FABP2: variants seen among roughly 807,000 people sequenced by gnomAD.
FABP2 encodes fatty acid-binding protein, intestinal.
In FABP2, 11 loss-of-function variants were observed where a neutral mutation model predicts 16.1. The observed-to-expected ratio is 0.68, with a 90% confidence interval of 0.43 to 1.13. The LOEUF is 1.13. Among genes scored for constraint, FABP2 ranks in the 50% most tolerant of loss-of-function variants. The pLI is 0.00. For synonymous variants in FABP2, 45 were observed against 50.9 expected (o/e 0.88, Z 0.49); for missense variants, 146 against 155.1 (o/e 0.94, Z 0.31).
chr4:119,320,894 T>C (rs1755658218), intron 1 of FABP2, 52 bp from the exon 2 acceptor site: 1 of 1,417,504 alleles, frequency 7.1e-7, no homozygotes, highest in African/African-American at 1.5e-5. Context: ...ATAGGAAGTG[T>C]TTATTTTTCC....
rs1397613 is a variant in FABP2, at chr4:119,321,774, G to T, written c.67+262C>A. The stretch of plus-strand genomic sequence containing the variant: ...AAAAAGTCATTTTTCAGTTAAAGAG[G>T]GAAGGAAACATTTCTGGATCTTTTT... On this transcript the variant is annotated intron_variant, in intron 1 of 3. Coordinates refer to ENST00000274024, the MANE Select transcript of FABP2 (RefSeq NM_000134.4). Among the ~76,000 whole-genome samples the T allele has an allele frequency of 0.57, 86,075 of 151,844 alleles. 24,416 individuals carry two copies. Among genetic ancestry groups the T allele is most frequent in the East Asian group, 0.63 (3,228 of 5,138 alleles).
In FABP2 at chr4:119,319,083, T is replaced by G; in HGVS notation, c.357A>C (p.Val119=). 1 of 1,595,574 alleles carries G rather than the reference T, an allele frequency of 6.3e-7. No individual in the cohort carries two copies. The highest frequency in any genetic ancestry group is 8.5e-7 in the Non-Finnish European group (1 of 1,170,964). ...IIGDELVQTY[V]YEGVEAKRIF... Reference sequence around the variant, plus strand: ...TCCTTTTGGCTTCTACTCCTTCATATACATAAGTCTGAAAGGTGTTAACAA... The same window carrying G: ...TCCTTTTGGCTTCTACTCCTTCATAGACATAAGTCTGAAAGGTGTTAACAA... The change falls in exon 4 of 4, where the codon GTA becomes GTC. Residue 119 remains valine (V), a synonymous_variant. Coordinates refer to ENST00000274024, the MANE Select transcript of FABP2 (RefSeq NM_000134.4).
At chr4:119,319,861 C>T (rs956345724) in intron 2 of FABP2, among the ~76,000 whole-genome samples, 1 of 151,884 alleles carries the variant, frequency 6.6e-6, no homozygotes, top group Non-Finnish European at 1.5e-5. Context: ...GAACCTAGGC[C>T]ATTGGGCTAC....
rs754422512 is a variant in FABP2, at chr4:119,319,124, T to C, written c.349-33A>G. 1.6e-5 allele frequency: 23 copies of C among 1,465,622 alleles called. No individual in the cohort carries two copies. In the African/African-American group the frequency reaches 3.0e-4, roughly 19 times the overall value. The allele number at this position is 1,465,622 out of a possible 1,614,324, so 90.8% of individuals were successfully genotyped here. ...GTGTTAACAAACAGAAGAATTTATC[T>C]TTAAGGTTTACATCTAAGTTAAGAA... On this transcript the variant is annotated intron_variant, in intron 3 of 3. Coordinates refer to ENST00000274024, the MANE Select transcript of FABP2 (RefSeq NM_000134.4).
At position 119,322,086 on chromosome 4, in the gene FABP2, G is replaced by A; in HGVS notation, c.17C>T (p.Thr6Ile). 1 of 1,613,140 alleles carries A rather than the reference G, an allele frequency of 6.2e-7. No homozygotes were observed. The highest frequency in any genetic ancestry group is 8.5e-7 in the Non-Finnish European group (1 of 1,179,516). The change falls in exon 1 of 4, where the codon ACT becomes ATT. Residue 6 changes from threonine (T) to isoleucine (I), a missense_variant. Physicochemically the swap from Thr to Ile is moderately conservative, Grantham distance 89 (BLOSUM62 -1). Coordinates refer to ENST00000274024, the MANE Select transcript of FABP2 (RefSeq NM_000134.4). ...GTTTTCACTCCGGTCTACCTTCCAAGTGCTGTCAAACGCCATGATTTCAGT... is the reference window on the plus strand; with the variant it reads ...GTTTTCACTCCGGTCTACCTTCCAAATGCTGTCAAACGCCATGATTTCAGT... The part of the protein sequence containing the change: MAFDS[T>I]WKVDRSENYD...
chr4:119,319,652 T>G lies in FABP2; in HGVS notation c.241-9A>C. 1.1e-6 allele frequency: 1 copy of G among 927,150 alleles called. No homozygotes were observed. Among genetic ancestry groups the G allele is most frequent in the Non-Finnish European group, 1.4e-6 (1 of 689,870 alleles). 57.4% of individuals were successfully genotyped at this position (927,150 alleles called of 1,614,324 possible). On this transcript the variant is annotated splice_polypyrimidine_tract_variant and intron_variant, in intron 2 of 3. Coordinates refer to ENST00000274024, the MANE Select transcript of FABP2 (RefSeq NM_000134.4). ...TCAAGGCTCCAGGTCCCCTACATAA[T>G]AATAATAATAATAATAATAATAATA...
intron 1 of FABP2, among the ~76,000 whole-genome samples, 170 bp from the exon 2 acceptor site, chr4:119,321,012 TC>T (rs2095448824): frequency 6.6e-6 from 1 of 152,084 alleles, no homozygotes; most frequent in African/African-American, 2.4e-5. Context: ...TTCAATCAGA[TC>T]AAGAGAACTG....
chr4:119,321,966 AT>A, intron 1 of FABP2, 69 bp downstream of exon 1: 1 of 1,241,236 alleles, frequency 8.1e-7, no homozygotes, highest in Non-Finnish European at 1.2e-6. Context: ...TCTCCTAGAG[AT>A]TTAGGAGTTA....
chr4:119,319,565 G>A lies in FABP2; in HGVS notation c.319C>T (p.Arg107Ter), dbSNP rs142649876. The A allele has an allele frequency of 2.8e-5, 43 of 1,561,414 alleles. No individual in the cohort carries two copies. The highest frequency in any genetic ancestry group is 3.5e-5 in the South Asian group (3 of 85,846). ...ACTAGTTCATCACCTATAATTTCTC[G>A]GACAGTATTCAGTTCGTTTCCATTG... ...TDNGNELNTVREIIGDELVQT... is the reference protein window; with the variant it reads ...TDNGNELNTV The change falls in exon 3 of 4, where the codon CGA (arginine) becomes TGA (stop). Residue 107 changes from arginine to a stop codon, truncating the protein, a stop_gained. Transcript: ENST00000274024. LOFTEE classifies it high-confidence loss of function.
chr4:119,319,787 A>G (rs920757366), intron 2 of FABP2, 144 bp from the exon 3 acceptor site: 16 of 324,942 alleles, frequency 4.9e-5, no homozygotes, highest in African/African-American at 6.5e-5. Context: ...TATTATCTCT[A>G]CTTTGCAGAA....
intron 2 of FABP2, 82 bp from the exon 3 acceptor site, chr4:119,319,725 T>C: frequency 1.9e-6 from 1 of 535,392 alleles, no homozygotes; most frequent in Non-Finnish European, 2.8e-6. Flanking sequence ...TTCTGAGTTC[T>C]GTAGACACAC....
rs1413868925 is a variant in FABP2 at position 119,318,102 on chromosome 4, A to G, written c.*939T>C. The stretch of plus-strand genomic sequence containing the variant: ...TTTCAGCCAAGCGTGGGAATGACTG[A>G]TGTGTACAAAAATGTAATACAATAA... On this transcript the variant is annotated 3_prime_UTR_variant, in exon 4 of 4. Transcript: ENST00000274024. 1 of 152,104 alleles carries G rather than the reference A, an allele frequency of 6.6e-6. No individual in the cohort carries two copies. The highest frequency in any genetic ancestry group is 1.5e-5 in the Non-Finnish European group (1 of 68,002). The allele number at this position is 152,104 out of a possible 1,614,324, so 9.4% of individuals were successfully genotyped here.
chr4:119,320,275 A>G (rs368621610), intron 2 of FABP2, among the ~76,000 whole-genome samples: 2 of 152,156 alleles, frequency 1.3e-5, no homozygotes, highest in Non-Finnish European at 2.9e-5. Flanking sequence ...TAACTCACTC[A>G]TTTGTTCATC....
In FABP2 at chr4:119,322,112, TG is replaced by T. The variant is rs777067656; in HGVS notation, c.-11del. ...TGCTGTCAAACGCCATGATTTCAGT[TG>T]AGTCAGCCTCTAGGCAGCTAGAGAT... On this transcript the variant is annotated 5_prime_UTR_variant, in exon 1 of 4. Coordinates refer to ENST00000274024, the MANE Select transcript of FABP2 (RefSeq NM_000134.4). 6 of 1,611,478 alleles carry T rather than the reference TG, an allele frequency of 3.7e-6. No individual in the cohort carries two copies. The East Asian group carries it at 1.3e-4, about 36-fold the overall frequency.
chr4:119,319,166 T>A, intron 3 of FABP2, 75 bp from the exon 4 acceptor site: 3 of 826,174 alleles, frequency 3.6e-6, no homozygotes, highest in Non-Finnish European at 5.7e-6. Context: ...GTATTATAGT[T>A]TTATACTATA....
chr4:119,320,164 T>A (rs534863440), intron 2 of FABP2, among the ~76,000 whole-genome samples: 1 of 152,268 alleles, frequency 6.6e-6, no homozygotes, highest in Admixed American at 6.5e-5. Flanking sequence ...AAAAAGTTTT[T>A]AAAAAATTTG....
chr4:119,319,527 A>C lies in FABP2; in HGVS notation c.348+9T>G, dbSNP rs2149498063. 1 of 1,538,492 alleles carries C rather than the reference A, an allele frequency of 6.5e-7. No individual in the cohort carries two copies. The highest frequency in any genetic ancestry group is 1.8e-4 in the Middle Eastern group (1 of 5,508). ...CCTTTTGAAAATAGCTATAAATTTG[A>C]CAACTCACCTGGACTAGTTCATCAC... On this transcript the variant is annotated intron_variant, in intron 3 of 3. Coordinates refer to ENST00000274024, the MANE Select transcript of FABP2 (RefSeq NM_000134.4).
In FABP2 at chr4:119,317,593, G is replaced by A. The variant is rs1755600576; in HGVS notation, c.*1448C>T. On this transcript the variant is annotated 3_prime_UTR_variant, in exon 4 of 4. Coordinates refer to ENST00000274024, the MANE Select transcript of FABP2 (RefSeq NM_000134.4). Reference sequence around the variant, plus strand: ...CTACATTTTAATATATATGTCATATGTATATACCACTTAGAACAGTGTGTG... The same window carrying A: ...CTACATTTTAATATATATGTCATATATATATACCACTTAGAACAGTGTGTG... 6.6e-6 allele frequency: 1 copy of A among 151,978 alleles called. No individual in the cohort carries two copies. Among genetic ancestry groups the A allele is most frequent in the Non-Finnish European group, 1.5e-5 (1 of 67,976 alleles). 9.4% of individuals were successfully genotyped at this position (151,978 alleles called of 1,614,324 possible). A position where few individuals can be genotyped will look rare whatever the true frequency, so the allele number is the denominator to read the frequency against.
At position 119,317,426 on chromosome 4, in the gene FABP2, A is replaced by C. The variant is rs1236827200; in HGVS notation, c.*1615T>G. 6.6e-6 allele frequency: 1 copy of C among 152,002 alleles called. No homozygotes were observed. The highest frequency in any genetic ancestry group is 1.9e-4 in the East Asian group (1 of 5,182). 9.4% of individuals were successfully genotyped at this position (152,002 alleles called of 1,614,324 possible). The stretch of plus-strand genomic sequence containing the variant: ...AACCCTCCAACTCTTCCAAGTCTCC[A>C]GTGTCTATTATTCTACACTCTGGTG... On this transcript the variant is annotated 3_prime_UTR_variant, in exon 4 of 4. Coordinates refer to ENST00000274024, the MANE Select transcript of FABP2 (RefSeq NM_000134.4).
Sources: allele counts gnomAD v4.1 joint callset (sites outside exome capture counted in the v4.1 genomes callset), GRCh38; gene constraint gnomAD v4.1.1; transcripts MANE v1.5; gene names NCBI Gene and HGNC (gene_info 2026-07-23, HGNC 2026-07-21).